FGD3: variants seen among roughly 807,000 people sequenced by gnomAD.
FGD3 encodes the protein FYVE, RhoGEF and PH domain-containing protein 3.
In FGD3, 45 loss-of-function variants were observed where a neutral mutation model predicts 71.8. The ratio of observed to expected loss-of-function variants is 0.63; its 90% confidence interval spans 0.49 to 0.80. The LOEUF (loss-of-function observed/expected upper bound fraction) is 0.80. FGD3 is among the 30% of genes least tolerant of loss of function. The pLI, the probability that FGD3 is intolerant of heterozygous loss-of-function variation, is 0.00. For missense variants in FGD3, 844 were observed against 951.5 expected (o/e 0.89, Z 1.49); for synonymous variants, 378 against 392.8 (o/e 0.96, Z 0.44).
At chr9:92,971,541 TTTTTCTTTTCTTTTC>T (rs201916658) in intron 1 of FGD3, among the ~76,000 whole-genome samples, 1 of 87,654 alleles carries the variant, frequency 1.1e-5, no homozygotes, top group African/African-American at 4.8e-5. Flanking sequence ...AAGGGTGGGA[TTTTTCTTTTCTTTTC>T]TTTTCTTTTC....
At chr9:92,968,150 C>T (rs1180188662) in intron 1 of FGD3, among the ~76,000 whole-genome samples, 2 of 152,102 alleles carry the variant, frequency 1.3e-5, no homozygotes, top group South Asian at 2.1e-4. Flanking sequence ...GGTAGATACC[C>T]CCCGCCCACC....
At chr9:92,996,739 G>A (rs938242964) in intron 3 of FGD3, among the ~76,000 whole-genome samples, 2 of 152,326 alleles carry the variant, frequency 1.3e-5, no homozygotes, top group South Asian at 2.1e-4. Flanking sequence ...TATGTACCCA[G>A]TAGTCATTCA....
chr9:92,950,626 G>A (rs912541140), intron 1 of FGD3, among the ~76,000 whole-genome samples: 1 of 152,172 alleles, frequency 6.6e-6, no homozygotes, highest in Non-Finnish European at 1.5e-5. Context: ...CCTGACTGAT[G>A]GTGGGGAAAG....
chr9:92,948,486 C>A (rs1297522249), intron 1 of FGD3, among the ~76,000 whole-genome samples: 5 of 152,208 alleles, frequency 3.3e-5, no homozygotes, highest in Admixed American at 3.3e-4. Flanking sequence ...CTGCATGTTT[C>A]CTATGCTCTG....
intron 1 of FGD3, among the ~76,000 whole-genome samples, chr9:92,966,532 G>T (rs1277698365): frequency 1.3e-5 from 2 of 152,206 alleles, no homozygotes; most frequent in African/African-American, 4.8e-5. Context: ...CTGTCCCCCA[G>T]CCCCACCCTC....
At chr9:93,011,323 G>A (rs761764404) in intron 8 of FGD3, 51 bp downstream of exon 8, 1 of 1,608,076 alleles carries the variant, frequency 6.2e-7, no homozygotes, top group East Asian at 2.2e-5. Context: ...GCAAGAGTGA[G>A]GGCCAGGGGC....
chr9:92,999,612 A>G (rs1860782696), intron 3 of FGD3, among the ~76,000 whole-genome samples: 1 of 146,544 alleles, frequency 6.8e-6, no homozygotes, highest in Admixed American at 6.8e-5. Flanking sequence ...TTTTTTTTTA[A>G]AGACAGAGTC....
intron 13 of FGD3, among the ~76,000 whole-genome samples, chr9:93,021,289 G>T (rs991947437): frequency 1.3e-5 from 2 of 152,208 alleles, no homozygotes; most frequent in African/African-American, 4.8e-5. Flanking sequence ...GGCCCAGGGG[G>T]ATTTCACATG....
Position 92,980,700 on chromosome 9 carries a change from G to A in FGD3, c.453+3991G>A, listed in dbSNP as rs1004542992. On this transcript the variant is annotated intron_variant, in intron 3 of 17. Transcript: ENST00000375482. ...AGAATGTGTTGTTTAGGCCAGGTGC[G>A]GTGGCTCACTCCTGTAATTCCAGCA... Among the ~76,000 whole-genome samples the A allele has an allele frequency of 4.6e-5, 7 of 151,894 alleles. No individual in the cohort carries two copies. The South Asian group carries it at 6.2e-4, about 14-fold the overall frequency.
At chr9:92,993,646 T>C (rs964659058) in intron 3 of FGD3, among the ~76,000 whole-genome samples, 2 of 152,172 alleles carry the variant, frequency 1.3e-5, no homozygotes, top group Admixed American at 1.3e-4. Flanking sequence ...CCCTAGTTTG[T>C]GATATTCCTC....
intron 11 of FGD3, 44 bp downstream of exon 11, chr9:93,018,259 C>A: frequency 6.6e-7 from 1 of 1,523,592 alleles, no homozygotes; most frequent in Non-Finnish European, 9.0e-7. Flanking sequence ...GACCTCATGT[C>A]TTCTTTTTCT....
intron 3 of FGD3, among the ~76,000 whole-genome samples, chr9:92,985,127 A>G (rs890362891): frequency 1.3e-5 from 2 of 152,228 alleles, no homozygotes; most frequent in African/African-American, 4.8e-5. Flanking sequence ...AGGGGAAACC[A>G]TGTGAGGTTT....
At chr9:92,985,142 C>A (rs1472813047) in intron 3 of FGD3, among the ~76,000 whole-genome samples, 4 of 152,240 alleles carry the variant, frequency 2.6e-5, no homozygotes, top group African/African-American at 9.6e-5. Context: ...AGGTTTCCTC[C>A]CGTTTGTCCC....
chr9:93,035,205 G>A (rs1372912741), intron 17 of FGD3, 133 bp from the exon 18 acceptor site: 1 of 1,313,260 alleles, frequency 7.6e-7, no homozygotes, highest in African/African-American at 1.5e-5. Flanking sequence ...ACAGCCACCA[G>A]ACCCCTCGGG....
At chr9:92,974,275 C>T (rs1046927903) in intron 1 of FGD3, among the ~76,000 whole-genome samples, 1 of 152,200 alleles carries the variant, frequency 6.6e-6, no homozygotes, top group Non-Finnish European at 1.5e-5. Context: ...ATTGCTCTGC[C>T]ATGTTTGACC....
chr9:93,032,975 G>T, intron 16 of FGD3, 102 bp downstream of exon 16: 1 of 1,136,996 alleles, frequency 8.8e-7, no homozygotes, highest in Non-Finnish European at 1.3e-6. Flanking sequence ...CTTTCGGAGT[G>T]TCCCTGGGAC....
chr9:93,002,597 A>G (rs1046073681), intron 3 of FGD3, among the ~76,000 whole-genome samples: 1 of 152,106 alleles, frequency 6.6e-6, no homozygotes, highest in Non-Finnish European at 1.5e-5. Context: ...TGGAATTCTC[A>G]CACAGGTGCT....
chr9:92,968,140 G>A (rs1355786038), intron 1 of FGD3, among the ~76,000 whole-genome samples: 1 of 152,148 alleles, frequency 6.6e-6, no homozygotes, highest in East Asian at 1.9e-4. Flanking sequence ...CCTTGGGAGA[G>A]GTAGATACCC....
At position 92,954,597 on chromosome 9, in the gene FGD3, G is replaced by C. The variant is rs1037221794; in HGVS notation, c.-218+6868G>C. Among the ~76,000 whole-genome samples, 3 of 152,208 alleles carry C rather than the reference G, an allele frequency of 2.0e-5. No individual in the cohort carries two copies. The South Asian group carries it at 6.2e-4, about 31-fold the overall frequency. ...GCCATGAGGGTCTCTGCAGGCCAGAGCTGCTCCTTCCTCAGGGGCCATCTC... is the reference window on the plus strand; with the variant it reads ...GCCATGAGGGTCTCTGCAGGCCAGACCTGCTCCTTCCTCAGGGGCCATCTC... On this transcript the variant is annotated intron_variant, in intron 1 of 17. Coordinates refer to ENST00000375482, the MANE Select transcript of FGD3 (RefSeq NM_001083536.2).
Sources: allele counts gnomAD v4.1 joint callset (sites outside exome capture counted in the v4.1 genomes callset), GRCh38; gene constraint gnomAD v4.1.1; transcripts MANE v1.5; gene names NCBI Gene and HGNC (gene_info 2026-07-23, HGNC 2026-07-21).